DZANK1: variants seen among roughly 807,000 people sequenced by gnomAD.
DZANK1 encodes the protein double zinc ribbon and ankyrin repeat-containing protein 1.
Under a neutral mutation model 94.5 loss-of-function variants are expected in DZANK1, and 91 were observed. The observed-to-expected ratio is 0.96, with a 90% confidence interval of 0.81 to 1.15. DZANK1 has a LOEUF of 1.15. Ranked by LOEUF, DZANK1 falls within the 50% of genes most tolerant of loss-of-function variation. The pLI is 0.00. For missense variants in DZANK1, 903 were observed against 916.4 expected (o/e 0.99, Z 0.19); for synonymous variants, 312 against 325.3 (o/e 0.96, Z 0.44).
intron 13 of DZANK1, among the ~76,000 whole-genome samples, chr20:18,404,115 C>T (rs1385263013): frequency 3.3e-5 from 5 of 151,486 alleles, no homozygotes; most frequent in Non-Finnish European, 1.5e-5. Context: ...TTTCTTAGAA[C>T]ATTATGAGAT....
At chr20:18,417,476 C>A (rs2067181198) in intron 10 of DZANK1, among the ~76,000 whole-genome samples, 1 of 152,150 alleles carries the variant, frequency 6.6e-6, no homozygotes, top group South Asian at 2.1e-4. Context: ...CACTATTACT[C>A]TCTCTGGTGC....
chr20:18,402,112 T>C (rs1010960561), intron 13 of DZANK1, among the ~76,000 whole-genome samples: 3 of 151,980 alleles, frequency 2.0e-5, no homozygotes, highest in African/African-American at 7.2e-5. Flanking sequence ...GCCTAGGGAT[T>C]TGAGTGGACC....
At chr20:18,409,583 C>CACACACACACACACA (rs1555858807) in intron 13 of DZANK1, among the ~76,000 whole-genome samples, 7 of 140,838 alleles carry the variant, frequency 5.0e-5, no homozygotes, top group Non-Finnish European at 7.7e-5. Context: ...CACACACACA[C>CACACACACACACACA]CACCACCACC....
At chr20:18,404,003 T>C (rs867659795) in intron 13 of DZANK1, among the ~76,000 whole-genome samples, 3 of 152,124 alleles carry the variant, frequency 2.0e-5, no homozygotes, top group Middle Eastern at 3.2e-3. Context: ...TTTTGCCATG[T>C]TGGCGAGGCT....
exon 4 of DZANK1, chr20:18,455,310 TTCATAG>T: frequency 6.2e-7 from 1 of 1,609,790 alleles, no homozygotes; most frequent in Non-Finnish European, 8.5e-7. Flanking sequence ...TATTTGGTGG[TTCATAG>T]TCTACGTGAA....
intron 19 of DZANK1, among the ~76,000 whole-genome samples, chr20:18,389,183 T>C (rs2148151737): frequency 6.6e-6 from 1 of 152,292 alleles, no homozygotes. Context: ...CAGGACTTGG[T>C]ACCTTTCTGT....
rs371566501 is a variant in DZANK1 at position 18,394,320 on chromosome 20, T to G, written c.1642A>C (p.Ser548Arg). The change falls in exon 16 of 21, where the codon AGC becomes CGC. Residue 548 changes from serine to arginine, a missense_variant. By Grantham distance (110) the Ser-to-Arg change is moderately radical (BLOSUM62 -1). Transcript: ENST00000262547. ...GCAGCACTGCTCAGAAGGTGATCGC[T>G]GAAATTCACTGCCTTGTTCAGGTAA... 12 of 1,613,644 alleles carry G rather than the reference T, an allele frequency of 7.4e-6. No homozygotes were observed. In the African/African-American group the frequency reaches 1.3e-4, roughly 18 times the overall value.
intron 19 of DZANK1, among the ~76,000 whole-genome samples, chr20:18,385,745 T>C (rs994732842): frequency 6.6e-6 from 1 of 152,184 alleles, no homozygotes; most frequent in African/African-American, 2.4e-5. Context: ...TTCTCAGGGC[T>C]GAAGCTCCTA....
intron 13 of DZANK1, among the ~76,000 whole-genome samples, chr20:18,399,736 G>A (rs933464608): frequency 2.6e-5 from 4 of 152,164 alleles, no homozygotes; most frequent in Non-Finnish European, 4.4e-5. Context: ...ATATGCAGGC[G>A]GAAGACGCAG....
intron 8 of DZANK1, among the ~76,000 whole-genome samples, chr20:18,434,293 C>T (rs969777400): frequency 1.3e-5 from 2 of 151,904 alleles, no homozygotes; most frequent in Admixed American, 6.6e-5. Context: ...GCCTGTAACC[C>T]CAACACTTTG....
intron 3 of DZANK1, among the ~76,000 whole-genome samples, chr20:18,458,920 T>C (rs188108307): frequency 3.3e-5 from 5 of 152,338 alleles, no homozygotes; most frequent in Admixed American, 2.6e-4. Context: ...TTTAAATAAA[T>C]ATTTTCCCTA....
At chr20:18,385,557 A>G (rs2048433522) in intron 19 of DZANK1, among the ~76,000 whole-genome samples, 1 of 152,180 alleles carries the variant, frequency 6.6e-6, no homozygotes, top group Admixed American at 6.5e-5. Context: ...CTGGGATTAC[A>G]GGCACATGCC....
chr20:18,446,174 G>A (rs2058874444), intron 7 of DZANK1, among the ~76,000 whole-genome samples: 1 of 152,196 alleles, frequency 6.6e-6, no homozygotes, highest in Non-Finnish European at 1.5e-5. Context: ...GAATCCAGGA[G>A]TTTGAGGCTG....
intron 9 of DZANK1, among the ~76,000 whole-genome samples, chr20:18,431,944 C>A (rs561455809): frequency 6.6e-6 from 1 of 152,276 alleles, no homozygotes; most frequent in African/African-American, 2.4e-5. Flanking sequence ...AATAAGTTAT[C>A]AAATTATTCC....
At chr20:18,398,287 T>G in intron 14 of DZANK1, 1 of 499,740 alleles carries the variant, frequency 2.0e-6, no homozygotes, top group East Asian at 3.2e-5. Context: ...GAGCATGAGA[T>G]GTTCAGAATT....
intron 3 of DZANK1, among the ~76,000 whole-genome samples, chr20:18,457,961 C>T (rs1248968488): frequency 1.3e-5 from 2 of 152,226 alleles, no homozygotes; most frequent in African/African-American, 4.8e-5. Context: ...CTCACCCCTC[C>T]TCATACGCAT....
chr20:18,463,441 A>G (rs1041833487), intron 2 of DZANK1, among the ~76,000 whole-genome samples: 1 of 152,194 alleles, frequency 6.6e-6, no homozygotes, highest in Non-Finnish European at 1.5e-5. Flanking sequence ...TCAGCACCAC[A>G]CAATATACCC....
chr20:18,426,972 C>T (rs1323699238), intron 10 of DZANK1, 95 bp downstream of exon 10: 3 of 860,930 alleles, frequency 3.5e-6, no homozygotes, highest in Admixed American at 6.9e-5. Flanking sequence ...TTTGGTCTCT[C>T]TCCCCAACCC....
intron 10 of DZANK1, among the ~76,000 whole-genome samples, chr20:18,423,721 C>T (rs976338017): frequency 2.6e-5 from 4 of 151,866 alleles, no homozygotes; most frequent in African/African-American, 4.8e-5. Context: ...AGTCATAGGT[C>T]AAAGAAGAAA....
Sources: allele counts gnomAD v4.1 joint callset (sites outside exome capture counted in the v4.1 genomes callset), GRCh38; gene constraint gnomAD v4.1.1; transcripts MANE v1.5; gene names NCBI Gene and HGNC (gene_info 2026-07-23, HGNC 2026-07-21).